FREM1: variants seen among roughly 807,000 people sequenced by gnomAD.
The protein encoded by FREM1 is FRAS1-related extracellular matrix protein 1.
Under a neutral mutation model 210.1 loss-of-function variants are expected in FREM1, and 220 were observed. That is an observed-to-expected ratio of 1.05 (90% CI 0.94 to 1.17). FREM1 has a LOEUF of 1.17. FREM1 is among the 50% of genes most tolerant of loss of function. The pLI, the probability that FREM1 is intolerant of heterozygous loss-of-function variation, is 0.00. For synonymous variants in FREM1, 1,189 were observed against 980.2 expected (o/e 1.21, Z -3.98); for missense variants, 3,454 against 2,675.5 (o/e 1.29, Z -6.42).
In FREM1 at chr9:14,868,951, C is replaced by A. The variant is rs760254031; in HGVS notation, c.27G>T (p.Ala9=). 6.3e-7 allele frequency: 1 copy of A among 1,591,624 alleles called. No homozygotes were observed. Among genetic ancestry groups the A allele is most frequent in the South Asian group, 1.1e-5 (1 of 88,050 alleles). Residue 9 remains alanine, a synonymous_variant, in exon 2 of 37, where the codon GCG becomes GCT. Coordinates refer to ENST00000380880, the MANE Select transcript of FREM1 (RefSeq NM_001379081.2). Reference sequence around the variant, plus strand: ...GGAGGAGCAGCAGCAGCACGGCATTCGCAGCCCCCCAACTCAGAGAGTTCA... The same window carrying A: ...GGAGGAGCAGCAGCAGCACGGCATTAGCAGCCCCCCAACTCAGAGAGTTCA... MNSLSWGA[A]NAVLLLLLLA... is the part of the protein sequence containing the mutation.
chr9:14,861,173 G>GTACATATATACACATATA (rs1830334773), intron 3 of FREM1, among the ~76,000 whole-genome samples: 1 of 87,798 alleles, frequency 1.1e-5, no homozygotes, highest in Non-Finnish European at 2.3e-5. Flanking sequence ...ACACATGTAT[G>GTACATATATACACATATA]TACATATATA....
chr9:14,852,334 A>G (rs1489230405), intron 5 of FREM1, among the ~76,000 whole-genome samples: 3 of 152,142 alleles, frequency 2.0e-5, no homozygotes, highest in South Asian at 2.1e-4. Flanking sequence ...GAGACCCTCC[A>G]AAGAAACCAT....
chr9:14,845,239 G>C (rs1206747979), intron 8 of FREM1, among the ~76,000 whole-genome samples: 3 of 152,196 alleles, frequency 2.0e-5, no homozygotes, highest in African/African-American at 7.2e-5. Flanking sequence ...TTTAAACCAT[G>C]ACAACTACTA....
chr9:14,798,048 T>G (rs1009048797), intron 20 of FREM1, among the ~76,000 whole-genome samples: 1 of 152,242 alleles, frequency 6.6e-6, no homozygotes, highest in East Asian at 1.9e-4. Context: ...TGTAACTGTT[T>G]TTTTTAAATC....
At chr9:14,795,832 T>C (rs759403883) in intron 21 of FREM1, among the ~76,000 whole-genome samples, 6 of 152,182 alleles carry the variant, frequency 3.9e-5, no homozygotes, top group African/African-American at 1.4e-4. Context: ...TGTCCTATAG[T>C]AAGCACTTAA....
intron 10 of FREM1, among the ~76,000 whole-genome samples, chr9:14,825,572 C>T (rs1319998757): frequency 1.7e-4 from 11 of 64,048 alleles, no homozygotes; most frequent in Non-Finnish European, 2.6e-4. Flanking sequence ...TATATATATA[C>T]CACAATTATA....
chr9:14,771,635 T>G (rs1399146076), intron 25 of FREM1, among the ~76,000 whole-genome samples: 1 of 152,182 alleles, frequency 6.6e-6, no homozygotes, highest in Non-Finnish European at 1.5e-5. Flanking sequence ...AGAAAACATG[T>G]ACAAGAATCT....
intron 10 of FREM1, 22 bp from the exon 11 acceptor site, chr9:14,825,014 C>T: frequency 6.5e-7 from 1 of 1,528,470 alleles, no homozygotes; most frequent in Non-Finnish European, 8.8e-7. Flanking sequence ...ATGTCTGTAC[C>T]ATTAATTTGA....
rs1341907098 is a variant in FREM1, at chr9:14,767,365, C to A, written c.5204+2359G>T. ...GACAAGTCTGGTGTTCCATTCCCTT[C>A]AGGCCAGATTAGCACAGTCCTTAAA... On this transcript the variant is annotated intron_variant, in intron 27 of 36. Coordinates refer to ENST00000380880, the MANE Select transcript of FREM1 (RefSeq NM_001379081.2). Among the ~76,000 whole-genome samples, 5 of 152,164 alleles carry A rather than the reference C, an allele frequency of 3.3e-5. No homozygotes were observed. In the South Asian group the frequency reaches 1.0e-3, roughly 31 times the overall value.
chr9:14,738,480 G>A (rs1840813572), intron 36 of FREM1, among the ~76,000 whole-genome samples: 2 of 152,158 alleles, frequency 1.3e-5, no homozygotes, highest in African/African-American at 2.4e-5. Flanking sequence ...TAAGCATATT[G>A]TGAGGACAGA....
chr9:14,747,402 C>T lies in FREM1; in HGVS notation c.5871G>A (p.Leu1957=), dbSNP rs2132006352. The part of the protein sequence containing the change: ...YNYHGIVSLK[L]EDDSFPTHKR... ...TGTGAGTTGGGAAACTGTCATCCTC[C>T]AGTTTCAAGGAAACTATCCCATGAT... Residue 1957 remains leucine, a synonymous_variant, in exon 33 of 37, where the codon CTG becomes CTA. Coordinates refer to ENST00000380880, the MANE Select transcript of FREM1 (RefSeq NM_001379081.2). 2 of 1,613,538 alleles carry T rather than the reference C, an allele frequency of 1.2e-6. No homozygotes were observed. The highest frequency in any genetic ancestry group is 1.7e-6 in the Non-Finnish European group (2 of 1,179,696).
intron 29 of FREM1, 141 bp downstream of exon 29, chr9:14,756,233 A>T: frequency 1.6e-6 from 1 of 631,940 alleles, no homozygotes. Flanking sequence ...TCTCTTTTAG[A>T]GTGAGGTGGT....
At chr9:14,759,224 T>C (rs930735084) in intron 28 of FREM1, among the ~76,000 whole-genome samples, 3 of 152,102 alleles carry the variant, frequency 2.0e-5, no homozygotes, top group Non-Finnish European at 2.9e-5. Flanking sequence ...AAAATTAATA[T>C]CTCAGCCAGG....
intron 1 of FREM1, among the ~76,000 whole-genome samples, chr9:14,898,674 G>A (rs937747330): frequency 3.3e-5 from 5 of 152,136 alleles, no homozygotes; most frequent in South Asian, 2.1e-4. Context: ...CCCAAGAGGC[G>A]GAGGTTGCAG....
intron 10 of FREM1, among the ~76,000 whole-genome samples, chr9:14,827,726 C>T (rs954409484): frequency 6.6e-6 from 1 of 152,178 alleles, no homozygotes; most frequent in African/African-American, 2.4e-5. Flanking sequence ...CCACCATTCC[C>T]ATCACAGGTT....
At position 14,784,434 on chromosome 9, in the gene FREM1, C is replaced by T. The variant is rs752775877; in HGVS notation, c.4378G>A (p.Val1460Ile). The T allele has an allele frequency of 1.2e-6, 2 of 1,613,792 alleles. No individual in the cohort carries two copies. Among genetic ancestry groups the T allele is most frequent in the Admixed American group, 1.7e-5 (1 of 59,998 alleles). ...VPITNFSQMD[V>I]VGQTVCYVHK... Reference sequence around the variant, plus strand: ...ACATAGCAAACTGTCTGCCCCACTACATCCATTTGGCTGAAGTTTGTAATG... The same window carrying T: ...ACATAGCAAACTGTCTGCCCCACTATATCCATTTGGCTGAAGTTTGTAATG... Residue 1460 changes from valine to isoleucine, a missense_variant, in exon 24 of 37, where the codon GTA becomes ATA. Transcript: ENST00000380880.
At chr9:14,746,885 G>A (rs1266229514) in intron 34 of FREM1, 38 bp downstream of exon 34, 21 of 1,603,330 alleles carry the variant, frequency 1.3e-5, no homozygotes, top group Non-Finnish European at 1.7e-5. Flanking sequence ...AGAGCACATT[G>A]CGAATAAAGG....
chr9:14,754,378 A>T (rs951264486), intron 29 of FREM1, among the ~76,000 whole-genome samples: 5 of 152,218 alleles, frequency 3.3e-5, no homozygotes, highest in African/African-American at 9.6e-5. Context: ...AAAGGAGGTC[A>T]GCTGGAAGAA....
intron 28 of FREM1, 97 bp from the exon 29 acceptor site, chr9:14,756,543 T>C: frequency 4.9e-6 from 4 of 817,368 alleles, no homozygotes; most frequent in South Asian, 3.8e-5. Context: ...CTCATGCTCT[T>C]AAATCTGTTT....
Sources: allele counts gnomAD v4.1 joint callset (sites outside exome capture counted in the v4.1 genomes callset), GRCh38; gene constraint gnomAD v4.1.1; transcripts MANE v1.5; gene names NCBI Gene and HGNC (gene_info 2026-07-23, HGNC 2026-07-21).